Variants in SMOC1 observed in about 807,000 individuals in gnomAD.
SMOC1 encodes the protein SPARC-related modular calcium-binding protein 1.
A neutral mutation model predicts 56.3 loss-of-function variants in SMOC1; 22 were observed. The ratio of observed to expected loss-of-function variants is 0.39; its 90% CI spans 0.28 to 0.56. SMOC1 has a LOEUF of 0.56. SMOC1 is among the 20% of genes least tolerant of loss of function. SMOC1 has a pLI of 0.61. For synonymous variants in SMOC1, 193 were observed against 215.0 expected (o/e 0.90, Z 0.89); for missense variants, 509 against 565.4 (o/e 0.90, Z 1.01).
chr14:69,915,184 C>T (rs1884655169), intron 1 of SMOC1, among the ~76,000 whole-genome samples: 1 of 152,164 alleles, frequency 6.6e-6, no homozygotes, highest in Non-Finnish European at 1.5e-5. Context: ...CACATTCTGT[C>T]CTCAAACTTC....
chr14:69,953,616 G>T, intron 3 of SMOC1, 84 bp downstream of exon 3: 1 of 1,135,200 alleles, frequency 8.8e-7, no homozygotes, highest in Non-Finnish European at 1.3e-6. Context: ...GCTGCTTGGC[G>T]CCTTCACTTT....
At chr14:70,013,529 T>A in intron 10 of SMOC1, 38 bp downstream of exon 10, 2 of 1,593,550 alleles carry the variant, frequency 1.3e-6, no homozygotes, top group Non-Finnish European at 1.7e-6. Context: ...AGGAGAAAAA[T>A]GTGGGGCCCC....
chr14:69,996,240 C>T (rs1321739774), intron 7 of SMOC1, among the ~76,000 whole-genome samples: 2 of 152,178 alleles, frequency 1.3e-5, no homozygotes, highest in South Asian at 2.1e-4. Context: ...TAGAATAGCA[C>T]TGTCATAATA....
chr14:69,995,469 T>A (rs1342151992), intron 7 of SMOC1, among the ~76,000 whole-genome samples: 1 of 152,206 alleles, frequency 6.6e-6, no homozygotes, highest in Non-Finnish European at 1.5e-5. Context: ...GTTGGAGATA[T>A]GGGATGGTGG....
intron 7 of SMOC1, among the ~76,000 whole-genome samples, chr14:70,006,806 T>A (rs543667554): frequency 2.3e-4 from 35 of 152,298 alleles, no homozygotes; most frequent in African/African-American, 8.2e-4. Flanking sequence ...TGCTCCCCTT[T>A]CCTCACTGTG....
At chr14:69,887,228 C>T (rs1300557714) in intron 1 of SMOC1, among the ~76,000 whole-genome samples, 1 of 152,072 alleles carries the variant, frequency 6.6e-6, no homozygotes, top group African/African-American at 2.4e-5. Flanking sequence ...CCAAAAGATA[C>T]AGTAACTTAT....
At chr14:69,939,302 C>T (rs886134104) in intron 1 of SMOC1, among the ~76,000 whole-genome samples, 3 of 152,180 alleles carry the variant, frequency 2.0e-5, no homozygotes, top group Non-Finnish European at 2.9e-5. Context: ...GGCAAGAGAG[C>T]GTGTGCAGGG....
intron 1 of SMOC1, among the ~76,000 whole-genome samples, chr14:69,902,571 GAGACCACCCTTTA>G (rs1884272559): frequency 6.6e-6 from 1 of 152,082 alleles, no homozygotes; most frequent in African/African-American, 2.4e-5. Flanking sequence ...CCTCTGCCCT[GAGACCACCCTTTA>G]AGAAAACCAT....
intron 1 of SMOC1, among the ~76,000 whole-genome samples, chr14:69,932,039 AAG>A (rs1387903965): frequency 6.6e-6 from 1 of 152,218 alleles, no homozygotes; most frequent in African/African-American, 2.4e-5. Flanking sequence ...TGGCAGTCCA[AAG>A]AGTGGCTTTG....
chr14:69,879,623 G>T lies in SMOC1; in HGVS notation c.-56G>T. 5 of 1,332,620 alleles carry T rather than the reference G, an allele frequency of 3.8e-6. No homozygotes were observed. Among genetic ancestry groups the T allele is most frequent in the Non-Finnish European group, 4.9e-6 (5 of 1,028,790 alleles). The allele number at this position is 1,332,620 out of a possible 1,614,324, so 82.5% of individuals were successfully genotyped here. A position where few individuals can be genotyped will look rare whatever the true frequency, so the allele number is the denominator to read the frequency against. On this transcript the variant is annotated 5_prime_UTR_variant, in exon 1 of 12. Coordinates refer to ENST00000361956, the MANE Select transcript of SMOC1 (RefSeq NM_001034852.3). ...AGGAAGGAAGGGAGGCGCGCTGTGC[G>T]CCCCGCGGAGCCCGCGAACCCCGCT...
intron 8 of SMOC1, 28 bp from the exon 9 acceptor site, chr14:70,011,457 A>AC: frequency 8.9e-6 from 4 of 448,392 alleles, no homozygotes; most frequent in Non-Finnish European, 1.0e-5. Context: ...AGCCCCTCCC[A>AC]ACCCCCCCCA....
intron 11 of SMOC1, among the ~76,000 whole-genome samples, chr14:70,026,549 T>G (rs1243507254): frequency 6.6e-6 from 1 of 152,244 alleles, no homozygotes; most frequent in African/African-American, 2.4e-5. Flanking sequence ...TCCTCCTCAA[T>G]CCAGGCTCAG....
intron 3 of SMOC1, among the ~76,000 whole-genome samples, chr14:69,970,351 C>T (rs1345364899): frequency 6.6e-6 from 1 of 152,178 alleles, no homozygotes; most frequent in East Asian, 1.9e-4. Context: ...TACTCTGTCT[C>T]TGGGCCTCAG....
At chr14:69,944,481 G>A (rs1210093222) in intron 1 of SMOC1, among the ~76,000 whole-genome samples, 1 of 152,194 alleles carries the variant, frequency 6.6e-6, no homozygotes, top group African/African-American at 2.4e-5. Flanking sequence ...ATAGGCATTT[G>A]CAGATTGGAC....
chr14:69,904,059 C>T (rs1386244021), intron 1 of SMOC1, among the ~76,000 whole-genome samples: 1 of 152,110 alleles, frequency 6.6e-6, no homozygotes, highest in Admixed American at 6.5e-5. Context: ...CACTGGGGGG[C>T]CCAGGTGAAA....
chr14:70,006,945 C>T (rs1594851864), intron 7 of SMOC1, among the ~76,000 whole-genome samples: 2 of 152,338 alleles, frequency 1.3e-5, no homozygotes, highest in Admixed American at 1.3e-4. Flanking sequence ...AGCATTGCCT[C>T]TAACATTCTA....
chr14:69,979,944 G>A (rs1426117519), intron 5 of SMOC1, among the ~76,000 whole-genome samples: 1 of 152,192 alleles, frequency 6.6e-6, no homozygotes, highest in Non-Finnish European at 1.5e-5. Flanking sequence ...CCAGCCATGG[G>A]ATTCTGGTTC....
chr14:69,936,033 A>G (rs542081626), intron 1 of SMOC1, among the ~76,000 whole-genome samples: 17 of 152,290 alleles, frequency 1.1e-4, no homozygotes, highest in African/African-American at 3.4e-4. Context: ...GGGAGAGCCA[A>G]TGTCCCTCCA....
At chr14:69,916,737 C>T (rs1884696462) in intron 1 of SMOC1, among the ~76,000 whole-genome samples, 1 of 152,214 alleles carries the variant, frequency 6.6e-6, no homozygotes, top group Non-Finnish European at 1.5e-5. Context: ...AGACTCTTTC[C>T]TGGCCAGCCT....
Sources: allele counts gnomAD v4.1 joint callset (sites outside exome capture counted in the v4.1 genomes callset), GRCh38; gene constraint gnomAD v4.1.1; transcripts MANE v1.5; gene names NCBI Gene and HGNC (gene_info 2026-07-23, HGNC 2026-07-21).